The following LRRFIP2 variants were observed in gnomAD, a reference collection of about 807,000 sequenced individuals.
The protein encoded by LRRFIP2 is LRR binding FLII interacting protein 2, also known as leucine-rich repeat flightless-interacting protein 2.
A neutral mutation model predicts 125.9 loss-of-function variants in LRRFIP2; 109 were observed. That is an observed-to-expected ratio of 0.87 (90% confidence interval 0.74 to 1.01). LRRFIP2 has a LOEUF of 1.01. Ranked by LOEUF, LRRFIP2 falls within the 50% of genes least tolerant of loss-of-function variation. The probability of loss-of-function intolerance (pLI) is 0.00; values close to 1 mark genes in which losing one functional copy is unlikely to be tolerated. For synonymous variants in LRRFIP2, 291 were observed against 293.1 expected (o/e 0.99, Z 0.07); for missense variants, 850 against 862.3 (o/e 0.99, Z 0.18).
In LRRFIP2 at chr3:37,087,403, T is replaced by A. The variant is rs1035956190; in HGVS notation, c.1108-3597A>T. 2.6e-5 allele frequency among the ~76,000 whole-genome samples: 4 copies of A among 152,132 alleles called. No homozygotes were observed. In the East Asian group the frequency reaches 7.7e-4, roughly 29 times the overall value. ...ACCACATGAACACCAGAATTTAAGA[T>A]AGCTCAAGTACTAGATGCATGCACA... On this transcript the variant is annotated intron_variant, in intron 18 of 27. Transcript: ENST00000336686.
intron 19 of LRRFIP2, among the ~76,000 whole-genome samples, chr3:37,083,094 C>T (rs1335119537): frequency 2.0e-5 from 3 of 152,094 alleles, no homozygotes; most frequent in East Asian, 1.9e-4. Context: ...TTGGACAATG[C>T]GTTATATTCT....
intron 2 of LRRFIP2, among the ~76,000 whole-genome samples, chr3:37,142,574 A>G (rs1031729847): frequency 3.9e-5 from 6 of 152,198 alleles, no homozygotes; most frequent in African/African-American, 1.4e-4. Flanking sequence ...TATGCATTTC[A>G]ATAAAAATGT....
At chr3:37,105,311 T>C (rs1025729766) in intron 14 of LRRFIP2, 144 bp downstream of exon 14, 47 of 672,726 alleles carry the variant, frequency 7.0e-5, no homozygotes, top group East Asian at 6.7e-4. Context: ...ACATGTTTTA[T>C]AAGGCAAAAT....
chr3:37,164,078 CATAG>C (rs1209224920), intron 1 of LRRFIP2, among the ~76,000 whole-genome samples: 1 of 151,996 alleles, frequency 6.6e-6, no homozygotes, highest in Admixed American at 6.6e-5. Context: ...TGGATAGATA[CATAG>C]ATAGATGAAG....
intron 18 of LRRFIP2, among the ~76,000 whole-genome samples, chr3:37,085,523 A>G (rs1177677377): frequency 6.6e-6 from 1 of 151,954 alleles, no homozygotes; most frequent in Non-Finnish European, 1.5e-5. Flanking sequence ...CATGTCTCAA[A>G]AACAAACAAA....
chr3:37,145,238 T>C (rs1452440725), intron 2 of LRRFIP2, among the ~76,000 whole-genome samples: 1 of 152,214 alleles, frequency 6.6e-6, no homozygotes, highest in African/African-American at 2.4e-5. Flanking sequence ...TTAACTCATC[T>C]TTTTCTGATG....
At chr3:37,165,704 C>T (rs914892003) in intron 1 of LRRFIP2, among the ~76,000 whole-genome samples, 21 of 148,860 alleles carry the variant, frequency 1.4e-4, no homozygotes, top group Non-Finnish European at 2.1e-4. Context: ...GCAGTGAGCC[C>T]GAGATTACAC....
intron 6 of LRRFIP2, among the ~76,000 whole-genome samples, chr3:37,119,389 T>C (rs1033180545): frequency 6.6e-6 from 1 of 152,216 alleles, no homozygotes; most frequent in African/African-American, 2.4e-5. Flanking sequence ...CTTTTTTGTT[T>C]GCAGATTTGT....
Position 37,053,823 on chromosome 3 carries a change from G to C in LRRFIP2, c.*28C>G. 6.9e-7 allele frequency: 1 copy of C among 1,458,656 alleles called. No individual in the cohort carries two copies. Among genetic ancestry groups the C allele is most frequent in the Non-Finnish European group, 9.6e-7 (1 of 1,038,112 alleles). The allele number at this position is 1,458,656 out of a possible 1,614,324, so 90.4% of individuals were successfully genotyped here. ...GTCCCTCTAGGTAGGGCCCCAAGGA[G>C]CATCACCCAGGTTGAAGGGTGGTTT... On this transcript the variant is annotated 3_prime_UTR_variant, in exon 28 of 28. Coordinates refer to ENST00000336686, the MANE Select transcript of LRRFIP2 (RefSeq NM_006309.4).
At chr3:37,068,737 G>A (rs1335964392) in intron 21 of LRRFIP2, 1 of 152,198 alleles carries the variant, frequency 6.6e-6, no homozygotes, top group Non-Finnish European at 1.5e-5. Context: ...CCAAAAGGAT[G>A]TGTATAATGG....
At chr3:37,071,730 AAG>A (rs1240331653) in intron 21 of LRRFIP2, among the ~76,000 whole-genome samples, 13 of 152,202 alleles carry the variant, frequency 8.5e-5, no homozygotes, top group Non-Finnish European at 1.8e-4. Flanking sequence ...TAAGCAGAAC[AAG>A]ACTTTTCTTA....
At chr3:37,079,299 G>GGGA (rs2092413524) in intron 19 of LRRFIP2, among the ~76,000 whole-genome samples, 1 of 152,168 alleles carries the variant, frequency 6.6e-6, no homozygotes, top group African/African-American at 2.4e-5. Flanking sequence ...AGGATGTGGG[G>GGGA]AAATCAAAAC....
intron 6 of LRRFIP2, among the ~76,000 whole-genome samples, chr3:37,120,418 A>C (rs1296707082): frequency 1.3e-5 from 2 of 152,158 alleles, no homozygotes; most frequent in African/African-American, 4.8e-5. Context: ...ATTCTTAAAA[A>C]TCTAAAGTTT....
At chr3:37,097,054 T>C (rs1559823372) in intron 15 of LRRFIP2, among the ~76,000 whole-genome samples, 1 of 152,100 alleles carries the variant, frequency 6.6e-6, no homozygotes, top group Non-Finnish European at 1.5e-5. Flanking sequence ...CTAAACATTA[T>C]TAGGACACAG....
intron 2 of LRRFIP2, chr3:37,134,516 C>T (rs2095509096): frequency 2.7e-6 from 1 of 363,882 alleles, no homozygotes; most frequent in South Asian, 2.3e-5. Flanking sequence ...TGAGAGTCGT[C>T]TCCACAATAC....
chr3:37,127,709 A>G (rs1420518823), intron 3 of LRRFIP2, 29 bp from the exon 4 acceptor site: 2 of 1,576,354 alleles, frequency 1.3e-6, no homozygotes, highest in Non-Finnish European at 1.7e-6. Flanking sequence ...CATAAACCAA[A>G]TAGTTTCTAA....
At chr3:37,140,100 G>A (rs6809297) in intron 2 of LRRFIP2, among the ~76,000 whole-genome samples, 58,092 of 151,924 alleles carry the variant, frequency 0.38, 11,804 homozygotes, top group Non-Finnish European at 0.45. Flanking sequence ...AGTGTCTCCT[G>A]GTTTTCCTCT....
intron 25 of LRRFIP2, among the ~76,000 whole-genome samples, chr3:37,056,727 T>C (rs1559631647): frequency 6.6e-6 from 1 of 151,788 alleles, no homozygotes; most frequent in Non-Finnish European, 1.5e-5. Context: ...TGGTGAGAGG[T>C]TTTTCTAATT....
In LRRFIP2 at chr3:37,072,855, C is replaced by CT. The variant is rs762410231; in HGVS notation, c.1398dup (p.Asp467ArgfsTer9). ...TCAAACACCTCTTTTGTCATGGTGT[C>CT]TATTTTCTGCTGCATGCGCTGCTTC... On this transcript the variant is annotated frameshift_variant, in exon 21 of 28. Coordinates refer to ENST00000336686, the MANE Select transcript of LRRFIP2 (RefSeq NM_006309.4). LOFTEE classifies it high-confidence loss of function. 18 of 1,612,486 alleles carry CT rather than the reference C, an allele frequency of 1.1e-5. No individual in the cohort carries two copies. The highest frequency in any genetic ancestry group is 1.4e-5 in the Non-Finnish European group (16 of 1,179,242).
Sources: gnomAD v4.1 joint callset for allele counts (sites outside exome capture counted in the v4.1 genomes callset) on GRCh38, gnomAD v4.1.1 for gene constraint, MANE v1.5 for transcripts, NCBI Gene and HGNC (gene_info 2026-07-23, HGNC 2026-07-21) for gene names.